The following DOCK9 variants were observed in gnomAD, a reference collection of about 807,000 sequenced individuals.
DOCK9 encodes the protein dedicator of cytokinesis 9.
In DOCK9, 89 loss-of-function variants were observed where a neutral mutation model predicts 263.3. The ratio of observed to expected loss-of-function variants is 0.34; its 90% confidence interval spans 0.28 to 0.40. DOCK9 has a LOEUF of 0.40. DOCK9 is among the 10% of genes least tolerant of loss of function. The probability of loss-of-function intolerance (pLI) is 1.00; values close to 1 mark genes in which losing one functional copy is unlikely to be tolerated. For synonymous variants in DOCK9, 976 were observed against 973.1 expected (o/e 1.00, Z -0.06); for missense variants, 2,140 against 2,603.4 (o/e 0.82, Z 3.87).
intron 27 of DOCK9, among the ~76,000 whole-genome samples, chr13:98,876,503 T>C (rs1487681121): frequency 6.6e-6 from 1 of 152,136 alleles, no homozygotes; most frequent in Non-Finnish European, 1.5e-5. Flanking sequence ...TCAGAATAAA[T>C]TAATAATTTT....
At chr13:98,884,684 C>T (rs2142868881) in intron 21 of DOCK9, among the ~76,000 whole-genome samples, 1 of 152,252 alleles carries the variant, frequency 6.6e-6, no homozygotes, top group East Asian at 1.9e-4. Flanking sequence ...TTGAGCATGG[C>T]CAGTCGGCAG....
intron 41 of DOCK9, among the ~76,000 whole-genome samples, chr13:98,830,832 T>TA (rs1220750590): frequency 1.3e-5 from 2 of 152,094 alleles, no homozygotes; most frequent in Non-Finnish European, 1.5e-5. Context: ...TATTGTTTTT[T>TA]AAAAAAAGGG....
At chr13:99,083,249 C>A (rs1427497430) in intron 1 of DOCK9, among the ~76,000 whole-genome samples, 3 of 150,234 alleles carry the variant, frequency 2.0e-5, no homozygotes, top group Non-Finnish European at 4.4e-5. Flanking sequence ...AACAAGACTC[C>A]ATCTCAGAAA....
intron 9 of DOCK9, among the ~76,000 whole-genome samples, chr13:98,911,619 G>A (rs2050050258): frequency 6.6e-6 from 1 of 151,608 alleles, no homozygotes; most frequent in Non-Finnish European, 1.5e-5. Flanking sequence ...TTCAGGTCGG[G>A]CGTAGTGGCT....
chr13:98,904,598 G>T, intron 10 of DOCK9, 34 bp downstream of exon 10: 4 of 1,436,774 alleles, frequency 2.8e-6, no homozygotes, highest in Non-Finnish European at 3.8e-6. Flanking sequence ...TCCCACATTT[G>T]GTTTTAAATA....
At chr13:98,922,551 C>A (rs1566973132) in intron 5 of DOCK9, among the ~76,000 whole-genome samples, 1 of 152,152 alleles carries the variant, frequency 6.6e-6, no homozygotes, top group Non-Finnish European at 1.5e-5. Context: ...TCCTGGAAAC[C>A]TTCCCAGAGG....
At chr13:99,000,617 G>A (rs147788799) in intron 1 of DOCK9, among the ~76,000 whole-genome samples, 18 of 152,178 alleles carry the variant, frequency 1.2e-4, no homozygotes, top group African/African-American at 4.1e-4. Context: ...CTCCTCACTC[G>A]AAATAAAAAT....
At chr13:98,966,987 C>A (rs1169290246) in intron 1 of DOCK9, among the ~76,000 whole-genome samples, 1 of 152,236 alleles carries the variant, frequency 6.6e-6, no homozygotes, top group Non-Finnish European at 1.5e-5. Flanking sequence ...TGGGGCCTCA[C>A]AGTCTGTGTT....
At position 98,878,883 on chromosome 13, in the gene DOCK9, A is replaced by G. The variant is rs2044287333; in HGVS notation, c.2943+1015T>C. Among the ~76,000 whole-genome samples, 4 of 152,168 alleles carry G rather than the reference A, an allele frequency of 2.6e-5. No individual in the cohort carries two copies. The South Asian group carries it at 8.3e-4, about 32-fold the overall frequency. ...CTCGGAGAGCCCAGATCCCTTGTGCAGGAGGCCTAGATTCTGCCCCTCCCT... is the reference window on the plus strand; with the variant it reads ...CTCGGAGAGCCCAGATCCCTTGTGCGGGAGGCCTAGATTCTGCCCCTCCCT... On this transcript the variant is annotated intron_variant, in intron 27 of 52. Transcript: ENST00000682017.
chr13:99,086,300 G>C (rs117633128), exon 1 of DOCK9: 6 of 1,489,024 alleles, frequency 4.0e-6, no homozygotes, highest in Non-Finnish European at 5.3e-6. Context: ...CTCAGCGCCC[G>C]GGTGAACTTC....
At position 98,848,510 on chromosome 13, in the gene DOCK9, C is replaced by T. The variant is rs1245255986; in HGVS notation, c.4061+82G>A. Reference sequence around the variant, plus strand: ...GCTTCCATGAACCCCAACTGCCAACCGCCACTGATGACCAATCCCACACAA... The same window carrying T: ...GCTTCCATGAACCCCAACTGCCAACTGCCACTGATGACCAATCCCACACAA... On this transcript the variant is annotated intron_variant, in intron 37 of 52. Coordinates refer to ENST00000682017, the MANE Select transcript of DOCK9 (RefSeq NM_001366683.2). The T allele has an allele frequency of 8.9e-6, 13 of 1,459,316 alleles. No homozygotes were observed. In the East Asian group the frequency reaches 1.7e-4, roughly 19 times the overall value. The allele number at this position is 1,459,316 out of a possible 1,614,324, so 90.4% of individuals were successfully genotyped here. A position where few individuals can be genotyped will look rare whatever the true frequency, so the allele number is the denominator to read the frequency against.
At chr13:98,854,908 C>T (rs4772149) in intron 34 of DOCK9, among the ~76,000 whole-genome samples, 77,826 of 151,884 alleles carry the variant, frequency 0.51, 20,338 homozygotes, top group Middle Eastern at 0.61. Flanking sequence ...AGGATGTCTT[C>T]CGGGTGTTTT....
At chr13:98,842,277 T>C (rs2022669957) in intron 38 of DOCK9, among the ~76,000 whole-genome samples, 1 of 152,194 alleles carries the variant, frequency 6.6e-6, no homozygotes, top group African/African-American at 2.4e-5. Context: ...TTTGCACAGC[T>C]CCAGCTGCAG....
rs1013102254 is a variant in DOCK9, at chr13:98,804,990, G to A, written c.5725+9C>T. ...GGGCTCGTGTCCATGCGGCTTCTGG[G>A]GCCCATACCTGTCAGGATGGTGCGC... On this transcript the variant is annotated intron_variant, in intron 49 of 52. Coordinates refer to ENST00000682017, the MANE Select transcript of DOCK9 (RefSeq NM_001366683.2). 6.3e-7 allele frequency: 1 copy of A among 1,592,056 alleles called. No individual in the cohort carries two copies. The highest frequency in any genetic ancestry group is 8.6e-7 in the Non-Finnish European group (1 of 1,169,372).
intron 45 of DOCK9, among the ~76,000 whole-genome samples, chr13:98,815,984 C>A (rs1271580824): frequency 2.0e-5 from 3 of 152,144 alleles, no homozygotes; most frequent in Non-Finnish European, 4.4e-5. Context: ...ATGAAAAATT[C>A]TTCTCAAAGA....
intron 26 of DOCK9, 119 bp downstream of exon 26, chr13:98,880,428 C>T: frequency 6.8e-6 from 9 of 1,323,548 alleles, no homozygotes; most frequent in Non-Finnish European, 8.4e-6. Context: ...GAACACTACC[C>T]CTTTTTAGGG....
At chr13:98,968,756 C>T (rs1191259174) in intron 1 of DOCK9, among the ~76,000 whole-genome samples, 1 of 152,160 alleles carries the variant, frequency 6.6e-6, no homozygotes, top group Admixed American at 6.5e-5. Context: ...AGTCCACTTC[C>T]TGAAATTTTT....
At position 98,939,166 on chromosome 13, in the gene DOCK9, G is replaced by A. The variant is rs2055395031; in HGVS notation, c.244-8909C>T. ...AACTGAGACACTGAGTCAGGACAGGGGAAGATGCTTCTCTTCAGGAGGAAA... is the reference window on the plus strand; with the variant it reads ...AACTGAGACACTGAGTCAGGACAGGAGAAGATGCTTCTCTTCAGGAGGAAA... On this transcript the variant is annotated intron_variant, in intron 2 of 52. Coordinates refer to ENST00000682017, the MANE Select transcript of DOCK9 (RefSeq NM_001366683.2). 1.3e-5 allele frequency among the ~76,000 whole-genome samples: 2 copies of A among 152,252 alleles called. 1 individual carries two copies. The highest frequency in any genetic ancestry group is 4.8e-5 in the African/African-American group (2 of 41,464).
upstream of DOCK9, among the ~76,000 whole-genome samples, chr13:98,978,828 C>T (rs747779427): frequency 2.6e-5 from 4 of 152,072 alleles, no homozygotes; most frequent in South Asian, 2.1e-4. Context: ...CACAAAAGCA[C>T]GGGAAAATAG....
Sources: allele counts gnomAD v4.1 joint callset (sites outside exome capture counted in the v4.1 genomes callset), GRCh38; gene constraint gnomAD v4.1.1; transcripts MANE v1.5; gene names NCBI Gene and HGNC (gene_info 2026-07-23, HGNC 2026-07-21).